The following TNFAIP8L1 variants were observed in gnomAD, a reference collection of about 807,000 sequenced individuals.
TNFAIP8L1 encodes the protein tumor necrosis factor alpha-induced protein 8-like protein 1.
For synonymous variants in TNFAIP8L1, 127 were observed against 125.6 expected, an observed-to-expected ratio of 1.01 and a Z score of -0.08; for missense variants, 225 against 266.1, an observed-to-expected ratio of 0.85 and a Z score of 1.08.
In TNFAIP8L1 at chr19:4,649,937, G is replaced by T. The variant is rs956511007; in HGVS notation, c.-3-1930G>T. 8.5e-5 allele frequency among the ~76,000 whole-genome samples: 13 copies of T among 152,248 alleles called. 1 individual carries two copies. The stretch of plus-strand genomic sequence containing the variant: ...CGGCTTTGTGGGGGCTCCTGGGGTA[G>T]GTGGGTGCCCACATGGCATTCCAAG... On this transcript the variant is annotated intron_variant, in intron 1 of 1. Transcript: ENST00000327473.
chr19:4,651,822 G>A (rs761752442), intron 1 of TNFAIP8L1, 45 bp from the exon 2 acceptor site: 1 of 1,536,156 alleles, frequency 6.5e-7, no homozygotes, highest in East Asian at 2.3e-5. Flanking sequence ...TGTGTGAGGA[G>A]TGCCCCAACG....
chr19:4,649,989 G>A (rs1306805714), intron 1 of TNFAIP8L1, among the ~76,000 whole-genome samples: 2 of 152,242 alleles, frequency 1.3e-5, no homozygotes, highest in Non-Finnish European at 2.9e-5. Flanking sequence ...TGGGGTGGGA[G>A]TGGAGGCTGA....
intron 1 of TNFAIP8L1, chr19:4,642,465 A>T (rs1375247026): frequency 6.8e-6 from 1 of 147,320 alleles, no homozygotes; most frequent in Non-Finnish European, 1.5e-5. Context: ...GGGTTGACAG[A>T]GTGTGAGACT....
rs2088412357 is a variant in TNFAIP8L1 at position 4,655,220 on chromosome 19, ACC to A, written c.*2793_*2794del. On this transcript the variant is annotated 3_prime_UTR_variant, in exon 2 of 2. Transcript: ENST00000327473. ...CTGCACTCACTGATAGGAAATTCTGACCCCAGACTCGGAGCAGCCTTCCCGTG... is the reference window on the plus strand; with the variant it reads ...CTGCACTCACTGATAGGAAATTCTGACCAGACTCGGAGCAGCCTTCCCGTG... 1 of 151,984 alleles carries A rather than the reference ACC, an allele frequency of 6.6e-6. No individual in the cohort carries two copies. Among genetic ancestry groups the A allele is most frequent in the South Asian group, 2.1e-4 (1 of 4,820 alleles). 9.4% of individuals were successfully genotyped at this position (151,984 alleles called of 1,614,324 possible). A position where few individuals can be genotyped will look rare whatever the true frequency, so the allele number is the denominator to read the frequency against.
In TNFAIP8L1 at chr19:4,652,080, G is replaced by A. The variant is rs1441182999; in HGVS notation, c.211G>A (p.Gly71Arg). 1.2e-6 allele frequency: 2 copies of A among 1,607,492 alleles called. No homozygotes were observed. The highest frequency in any genetic ancestry group is 8.5e-7 in the Non-Finnish European group (1 of 1,177,020). ...KNLVKVALKL[G>R]LLLRGDQLGG... ...CCTGGTCAAGGTGGCCCTGAAGCTGGGACTGCTGCTGCGTGGGGACCAGCT... is the reference window on the plus strand; with the variant it reads ...CCTGGTCAAGGTGGCCCTGAAGCTGAGACTGCTGCTGCGTGGGGACCAGCT... Residue 71 changes from glycine to arginine, a missense_variant, in exon 2 of 2, where the codon GGA (glycine) becomes AGA (arginine). Gly to Arg is a moderately radical substitution (Grantham distance 125, BLOSUM62 -2). Coordinates refer to ENST00000327473, the MANE Select transcript of TNFAIP8L1 (RefSeq NM_152362.3).
intron 1 of TNFAIP8L1, chr19:4,642,160 C>T (rs1332771950): frequency 1.3e-5 from 2 of 151,784 alleles, no homozygotes; most frequent in Non-Finnish European, 2.9e-5. Flanking sequence ...GCCTGGGCGA[C>T]AGGAGTGAAA....
chr19:4,652,127 G>T lies in TNFAIP8L1; in HGVS notation c.258G>T (p.Leu86=), dbSNP rs971889598. Residue 86 remains leucine, a synonymous_variant, in exon 2 of 2, where the codon CTG becomes CTT. Transcript: ENST00000327473. ...GDQLGGEELA[L]LRRFRHRARC... is the part of the protein sequence containing the mutation. ...AGCTGGGCGGTGAGGAGCTGGCGCT[G>T]CTGCGGCGCTTCCGCCACCGGGCGC... 6.3e-7 allele frequency: 1 copy of T among 1,578,970 alleles called. No individual in the cohort carries two copies.
Position 4,654,939 on chromosome 19 carries a change from T to C in TNFAIP8L1, c.*2509T>C, listed in dbSNP as rs1460117151. 1 of 152,122 alleles carries C rather than the reference T, an allele frequency of 6.6e-6. No homozygotes were observed. The highest frequency in any genetic ancestry group is 6.6e-5 in the Admixed American group (1 of 15,256). 9.4% of individuals were successfully genotyped at this position (152,122 alleles called of 1,614,324 possible). On this transcript the variant is annotated 3_prime_UTR_variant, in exon 2 of 2. Transcript: ENST00000327473. ...GAACCTTGTCTGTGGAGGGTAGAGG[T>C]TGCGGCAGGGGCCTGTGGGCCTTAC...
chr19:4,640,145 A>T (rs1407773458), intron 1 of TNFAIP8L1: 1 of 152,252 alleles, frequency 6.6e-6, no homozygotes. Context: ...GTGAACTGGG[A>T]CCGTCGCTGC....
At chr19:4,646,959 A>C (rs1393021945) in intron 1 of TNFAIP8L1, among the ~76,000 whole-genome samples, 1 of 152,172 alleles carries the variant, frequency 6.6e-6, no homozygotes, top group Non-Finnish European at 1.5e-5. Context: ...GTGGGATCAC[A>C]CACTTTGTGG....
chr19:4,649,149 C>A (rs1267683431), intron 1 of TNFAIP8L1, among the ~76,000 whole-genome samples: 1 of 151,646 alleles, frequency 6.6e-6, no homozygotes, highest in East Asian at 1.9e-4. Context: ...AGGCTGGACT[C>A]GAACTCCTGA....
rs58019387 is a variant in TNFAIP8L1 at position 4,645,706 on chromosome 19, C to CA, written c.-4+6094dup. Among the ~76,000 whole-genome samples, 4,810 of 92,664 alleles carry CA rather than the reference C, an allele frequency of 0.052. 95 individuals carry two copies. Among genetic ancestry groups the CA allele is most frequent in the Middle Eastern group, 0.13 (20 of 150 alleles). 60.8% of individuals were successfully genotyped at this position (92,664 alleles called of 152,430 possible). Reference sequence around the variant, plus strand: ...GAGGCTGAGGCAGGAGGATCCGTCTCAAAAAAAAAAAAAAAAAGGAATATA... The same window carrying CA: ...GAGGCTGAGGCAGGAGGATCCGTCTCAAAAAAAAAAAAAAAAAAGGAATATA... On this transcript the variant is annotated intron_variant, in intron 1 of 1. Transcript: ENST00000327473. This position sits in a 1 kb window ranked among gnomAD's most constrained non-coding sequence, Gnocchi z 4.1.
chr19:4,647,261 C>G (rs1361379207), intron 1 of TNFAIP8L1, among the ~76,000 whole-genome samples: 2 of 152,076 alleles, frequency 1.3e-5, no homozygotes, highest in African/African-American at 4.8e-5. Context: ...TTGCTGGGTC[C>G]TATGGTAACT....
At chr19:4,643,722 G>C (rs2088283969) in intron 1 of TNFAIP8L1, among the ~76,000 whole-genome samples, 1 of 152,158 alleles carries the variant, frequency 6.6e-6, no homozygotes, top group Admixed American at 6.5e-5. Flanking sequence ...AGGATCGCTT[G>C]AGCCCAGGAG....
rs1258380715 is a variant in TNFAIP8L1, at chr19:4,652,459, G to A, written c.*29G>A. The A allele has an allele frequency of 4.7e-6, 7 of 1,480,882 alleles. No homozygotes were observed. Among genetic ancestry groups the A allele is most frequent in the South Asian group, 1.3e-5 (1 of 74,190 alleles). The allele number at this position is 1,480,882 out of a possible 1,614,324, so 91.7% of individuals were successfully genotyped here. A position where few individuals can be genotyped will look rare whatever the true frequency, so the allele number is the denominator to read the frequency against. Reference sequence around the variant, plus strand: ...CCGGCGCCGCCCAACCGCGCCCCTCGCGCCTTTTGGGGCTCTCCTGCTGGG... The same window carrying A: ...CCGGCGCCGCCCAACCGCGCCCCTCACGCCTTTTGGGGCTCTCCTGCTGGG... On this transcript the variant is annotated 3_prime_UTR_variant, in exon 2 of 2. Transcript: ENST00000327473.
chr19:4,646,290 CT>C (rs747890576), intron 1 of TNFAIP8L1, among the ~76,000 whole-genome samples: 314 of 135,294 alleles, frequency 2.3e-3, no homozygotes, highest in Admixed American at 2.4e-3. Flanking sequence ...GCCCGGCCGA[CT>C]TTTTTTTTTT....
At position 4,651,947 on chromosome 19, in the gene TNFAIP8L1, G is replaced by T. The variant is rs752570543; in HGVS notation, c.78G>T (p.Val26=). 2 of 1,613,984 alleles carry T rather than the reference G, an allele frequency of 1.2e-6. No homozygotes were observed. The highest frequency in any genetic ancestry group is 1.7e-6 in the Non-Finnish European group (2 of 1,179,986). Residue 26 remains valine (V), a synonymous_variant, in exon 2 of 2, where the codon GTG becomes GTT. Coordinates refer to ENST00000327473, the MANE Select transcript of TNFAIP8L1 (RefSeq NM_152362.3). The stretch of plus-strand genomic sequence containing the variant: ...TGAGTAAGATGGCGTCCAAGGCAGT[G>T]GTGGCCGTGCTGGTGGATGACACCA... ...KLLSKMASKA[V]VAVLVDDTSS...
chr19:4,649,232 CT>C (rs60908273), intron 1 of TNFAIP8L1, among the ~76,000 whole-genome samples: 9,683 of 144,704 alleles, frequency 0.067, 337 homozygotes, highest in African/African-American at 0.091. Context: ...GCCCGGCCAG[CT>C]TTTTTTTTTT....
chr19:4,652,092 C>T lies in TNFAIP8L1; in HGVS notation c.223C>T (p.Arg75Cys), dbSNP rs1335164638. Residue 75 changes from arginine to cysteine, a missense_variant, in exon 2 of 2, where the codon CGT becomes TGT. Coordinates refer to ENST00000327473, the MANE Select transcript of TNFAIP8L1 (RefSeq NM_152362.3). ...KVALKLGLLL[R>C]GDQLGGEELA... is the part of the protein sequence containing the mutation. ...GGCCCTGAAGCTGGGACTGCTGCTGCGTGGGGACCAGCTGGGCGGTGAGGA... is the reference window on the plus strand; with the variant it reads ...GGCCCTGAAGCTGGGACTGCTGCTGTGTGGGGACCAGCTGGGCGGTGAGGA... The T allele has an allele frequency of 5.0e-6, 8 of 1,601,298 alleles. No homozygotes were observed. Among genetic ancestry groups the T allele is most frequent in the Non-Finnish European group, 6.0e-6 (7 of 1,174,118 alleles).
Sources: allele counts gnomAD v4.1 joint callset (sites outside exome capture counted in the v4.1 genomes callset), GRCh38; gene constraint gnomAD v4.1.1; non-coding constraint Gnocchi (gnomAD v3.1); transcripts MANE v1.5; gene names NCBI Gene and HGNC (gene_info 2026-07-23, HGNC 2026-07-21).